The following NIM1K variants were observed in gnomAD, a reference collection of about 807,000 sequenced individuals.
NIM1K encodes NIM1 serine/threonine protein kinase, also known as serine/threonine-protein kinase NIM1.
A neutral mutation model predicts 37.1 loss-of-function variants in NIM1K; 35 were observed. That is an observed-to-expected ratio of 0.94 (90% CI 0.72 to 1.25). The LOEUF is 1.25. Ranked by LOEUF, NIM1K falls within the 50% of genes most tolerant of loss-of-function variation. The pLI, the probability that NIM1K is intolerant of heterozygous loss-of-function variation, is 0.00. For missense variants in NIM1K, 564 were observed against 548.0 expected, an observed-to-expected ratio of 1.03 and a Z score of -0.29; for synonymous variants, 234 against 206.6, an observed-to-expected ratio of 1.13 and a Z score of -1.14.
intron 1 of NIM1K, among the ~76,000 whole-genome samples, chr5:43,235,422 G>T (rs1376685059): frequency 1.3e-5 from 2 of 152,168 alleles, no homozygotes; most frequent in Non-Finnish European, 2.9e-5. Context: ...TCTTCTCAAG[G>T]TTAAGAGATA....
intron 1 of NIM1K, among the ~76,000 whole-genome samples, chr5:43,205,846 G>C (rs1353407126): frequency 6.6e-6 from 1 of 152,126 alleles, no homozygotes; most frequent in African/African-American, 2.4e-5. Flanking sequence ...CCGAGTAGCT[G>C]GGACTACAGG....
chr5:43,222,086 T>C (rs891452496), intron 1 of NIM1K, among the ~76,000 whole-genome samples: 6 of 152,214 alleles, frequency 3.9e-5, no homozygotes, highest in African/African-American at 1.4e-4. Flanking sequence ...TCAGTGTCTA[T>C]TATGGCTCTA....
At chr5:43,214,040 A>T (rs1170124885) in intron 1 of NIM1K, among the ~76,000 whole-genome samples, 2 of 147,360 alleles carry the variant, frequency 1.4e-5, no homozygotes, top group South Asian at 2.1e-4. Context: ...CCTGGCCTTA[A>T]GCAATCCTCC....
rs139587920 is a variant in NIM1K, at chr5:43,227,414, G to A, written c.-694-17668G>A. On this transcript the variant is annotated intron_variant, in intron 1 of 3. Coordinates refer to ENST00000326035, the MANE Select transcript of NIM1K (RefSeq NM_153361.4). Reference sequence around the variant, plus strand: ...AAATAAAATAAAAGAATCGGTTCTTGGCACATAGTAAGCACTTGATAATAG... The same window carrying A: ...AAATAAAATAAAAGAATCGGTTCTTAGCACATAGTAAGCACTTGATAATAG... Among the ~76,000 whole-genome samples the A allele has an allele frequency of 1.9e-3, 287 of 152,158 alleles. 1 individual carries two copies. Among genetic ancestry groups the A allele is most frequent in the African/African-American group, 6.6e-3 (273 of 41,536 alleles).
At chr5:43,253,473 G>A (rs1752899149) in intron 2 of NIM1K, among the ~76,000 whole-genome samples, 1 of 151,836 alleles carries the variant, frequency 6.6e-6, no homozygotes, top group African/African-American at 2.4e-5. Flanking sequence ...AGAGAGATAG[G>A]ATATAAAGTA....
In NIM1K at chr5:43,230,681, G is replaced by A. The variant is rs149488930; in HGVS notation, c.-694-14401G>A. Among the ~76,000 whole-genome samples, 62 of 152,322 alleles carry A rather than the reference G, an allele frequency of 4.1e-4. No homozygotes were observed. In the South Asian group the frequency reaches 4.8e-3, roughly 12 times the overall value. ...GCCTAGACTTCTGCATTTTTTGAAT[G>A]CTCTCTGGTGATTTTCATGCAGGTT... On this transcript the variant is annotated intron_variant, in intron 1 of 3. Transcript: ENST00000326035.
chr5:43,211,574 C>A (rs1579958038), intron 1 of NIM1K, among the ~76,000 whole-genome samples: 1 of 152,316 alleles, frequency 6.6e-6, no homozygotes, highest in East Asian at 1.9e-4. Flanking sequence ...ATATTGGCTG[C>A]TAAGCCCCAA....
intron 1 of NIM1K, among the ~76,000 whole-genome samples, chr5:43,194,296 C>T (rs1303996125): frequency 6.6e-6 from 1 of 152,182 alleles, no homozygotes; most frequent in Non-Finnish European, 1.5e-5. Context: ...AAAGCTGAAT[C>T]CAACTCCCCA....
rs148756047 is a variant in NIM1K, at chr5:43,216,477, G to T, written c.-695+24066G>T. Reference sequence around the variant, plus strand: ...TCATATCTTTTGGTAGTGCAATAAAGAAAGGTATCAGAGCTTGAGTAAAAA... The same window carrying T: ...TCATATCTTTTGGTAGTGCAATAAATAAAGGTATCAGAGCTTGAGTAAAAA... On this transcript the variant is annotated intron_variant, in intron 1 of 3. Transcript: ENST00000326035. Among the ~76,000 whole-genome samples the T allele has an allele frequency of 4.1e-3, 622 of 152,314 alleles. 2 individuals carry two copies. The highest frequency in any genetic ancestry group is 0.034 in the Middle Eastern group (10 of 294).
intron 1 of NIM1K, among the ~76,000 whole-genome samples, chr5:43,195,316 A>T (rs1579949078): frequency 6.6e-6 from 1 of 152,220 alleles, no homozygotes; most frequent in East Asian, 1.9e-4. Flanking sequence ...ATTATACAGC[A>T]TCCTGAGGAA....
At chr5:43,239,203 G>A (rs747836710) in intron 1 of NIM1K, among the ~76,000 whole-genome samples, 163 of 112,310 alleles carry the variant, frequency 1.5e-3, no homozygotes, top group Non-Finnish European at 3.0e-3. Flanking sequence ...AAAATGTATT[G>A]ACATTTCTCT....
chr5:43,215,256 C>T (rs1169784738), intron 1 of NIM1K, among the ~76,000 whole-genome samples: 1 of 152,198 alleles, frequency 6.6e-6, no homozygotes, highest in Non-Finnish European at 1.5e-5. Flanking sequence ...ACTTAAATGC[C>T]TCTCCAACAT....
At chr5:43,233,039 C>A in intron 1 of NIM1K, 1 of 1,281,502 alleles carries the variant, frequency 7.8e-7, no homozygotes, top group Non-Finnish European at 1.1e-6. Context: ...AAGGAGTCAT[C>A]TCCTCCCCGA....
Position 43,237,691 on chromosome 5 carries a change from T to C in NIM1K, c.-694-7391T>C, listed in dbSNP as rs114385432. ...CTATTTCTAGATTTCTAAGGAAAAT[T>C]TCTGGGAAAAAATTATGCAAAATAA... On this transcript the variant is annotated intron_variant, in intron 1 of 3. Transcript: ENST00000326035. 3.0e-3 allele frequency among the ~76,000 whole-genome samples: 463 copies of C among 152,238 alleles called. 3 individuals carry two copies. The highest frequency in any genetic ancestry group is 0.011 in the African/African-American group (451 of 41,548).
At chr5:43,197,648 TC>T (rs377029362) in intron 1 of NIM1K, among the ~76,000 whole-genome samples, 4 of 152,280 alleles carry the variant, frequency 2.6e-5, no homozygotes, top group African/African-American at 9.6e-5. Context: ...ATTTCCATGA[TC>T]CATACTCCAT....
In NIM1K at chr5:43,245,839, C is replaced by T. The variant is rs773923539; in HGVS notation, c.64C>T (p.Arg22Cys). The change falls in exon 2 of 4, where the codon CGC (arginine) becomes TGC (cysteine). Residue 22 changes from arginine (R) to cysteine (C), a missense_variant. Transcript: ENST00000326035. The stretch of plus-strand genomic sequence containing the variant: ...CCCCCACTATGCCCGGTGGGATCGG[C>T]GCGACAGTGTAGAAAGTGGCTGTCA... Reference protein sequence around the residue: ...VNPHYARWDRRDSVESGCQTE... With the variant: ...VNPHYARWDRCDSVESGCQTE... The T allele has an allele frequency of 3.1e-6, 5 of 1,613,638 alleles. No homozygotes were observed. Among genetic ancestry groups the T allele is most frequent in the African/African-American group, 2.7e-5 (2 of 74,846 alleles).
At chr5:43,229,920 C>T (rs1250227607) in intron 1 of NIM1K, among the ~76,000 whole-genome samples, 3 of 152,042 alleles carry the variant, frequency 2.0e-5, no homozygotes, top group Admixed American at 6.5e-5. Context: ...GTGTGAGCCA[C>T]CAAGCCCAGC....
chr5:43,204,027 C>CAA (rs200364650), intron 1 of NIM1K, among the ~76,000 whole-genome samples: 2 of 116,338 alleles, frequency 1.7e-5, no homozygotes, highest in Non-Finnish European at 3.6e-5. Context: ...ACTCCATCTC[C>CAA]AAAAAAAAAA....
intron 2 of NIM1K, among the ~76,000 whole-genome samples, chr5:43,269,774 A>G (rs970130443): frequency 2.6e-5 from 4 of 151,990 alleles, no homozygotes; most frequent in African/African-American, 9.7e-5. Flanking sequence ...ACCCGCCACT[A>G]CGCCTGGCTA....
Sources: allele counts gnomAD v4.1 joint callset (sites outside exome capture counted in the v4.1 genomes callset), GRCh38; gene constraint gnomAD v4.1.1; transcripts MANE v1.5; gene names NCBI Gene and HGNC (gene_info 2026-07-23, HGNC 2026-07-21).